MYL9: variants seen among roughly 807,000 people sequenced by gnomAD.
MYL9 encodes myosin light chain 9, also known as myosin regulatory light polypeptide 9.
Under a neutral mutation model 12.8 loss-of-function variants are expected in MYL9, and 7 were observed. The ratio of observed to expected loss-of-function variants is 0.55; its 90% confidence interval spans 0.31 to 1.03. The LOEUF is 1.03. Ranked by LOEUF, MYL9 falls within the 50% of genes least tolerant of loss-of-function variation. The probability of loss-of-function intolerance (pLI) is 0.05; values close to 1 mark genes in which losing one functional copy is unlikely to be tolerated. For synonymous variants in MYL9, 81 were observed against 87.8 expected, an observed-to-expected ratio of 0.92 and a Z score of 0.43; for missense variants, 190 against 242.7, an observed-to-expected ratio of 0.78 and a Z score of 1.44.
chr20:36,549,216 C>T lies in MYL9; in HGVS notation c.486C>T (p.Ile162=). ...GNFNYVEFTR[I]LKHGAKDKDD ...TCAACTACGTGGAGTTCACCCGCAT[C>T]CTCAAACATGGCGCCAAGGATAAAG... The change falls in exon 4 of 4, where the codon ATC becomes ATT. Residue 162 remains isoleucine, a synonymous_variant. Coordinates refer to ENST00000279022, the MANE Select transcript of MYL9 (RefSeq NM_006097.5). 1 of 1,613,930 alleles carries T rather than the reference C, an allele frequency of 6.2e-7. No individual in the cohort carries two copies. Among genetic ancestry groups the T allele is most frequent in the Non-Finnish European group, 8.5e-7 (1 of 1,179,970 alleles).
chr20:36,541,730 G>C (rs1012886729), intron 1 of MYL9, among the ~76,000 whole-genome samples, 169 bp downstream of exon 1: 12 of 152,354 alleles, frequency 7.9e-5, no homozygotes, highest in African/African-American at 2.9e-4. Flanking sequence ...CTGGGGCAGC[G>C]AGTTTGCTGG....
At position 36,550,956 on chromosome 20, in the gene MYL9, G is replaced by C. The variant is rs761633274; in HGVS notation, c.*1707G>C. The C allele has an allele frequency of 6.6e-6, 1 of 152,504 alleles. No individual in the cohort carries two copies. The highest frequency in any genetic ancestry group is 1.5e-5 in the Non-Finnish European group (1 of 68,316). 9.4% of individuals were successfully genotyped at this position (152,504 alleles called of 1,614,324 possible). A position where few individuals can be genotyped will look rare whatever the true frequency, so the allele number is the denominator to read the frequency against. On this transcript the variant is annotated 3_prime_UTR_variant, in exon 4 of 4. Coordinates refer to ENST00000279022, the MANE Select transcript of MYL9 (RefSeq NM_006097.5). ...GCCAGCCCCAAGGGTGTGGGAGGGG[G>C]GTCTCAGAGTGTCCCAGGGTACTGG...
At chr20:36,544,430 C>G (rs896845641) in intron 1 of MYL9, among the ~76,000 whole-genome samples, 25 of 152,176 alleles carry the variant, frequency 1.6e-4, no homozygotes, top group African/African-American at 5.8e-4. Context: ...GTGGACCCAC[C>G]TTGTCACTTG....
At chr20:36,548,230 T>G (rs1039764089) in intron 3 of MYL9, 37 bp downstream of exon 3, 10 of 1,576,036 alleles carry the variant, frequency 6.3e-6, no homozygotes, top group Non-Finnish European at 8.6e-6. Context: ...TGCATGCAAG[T>G]GGAACAGGGC....
At chr20:36,544,157 C>T (rs1649866765) in intron 1 of MYL9, among the ~76,000 whole-genome samples, 1 of 152,126 alleles carries the variant, frequency 6.6e-6, no homozygotes, top group Admixed American at 6.5e-5. Flanking sequence ...CCTCACACCC[C>T]GATAAGCAGT....
chr20:36,549,078 T>C lies in MYL9; in HGVS notation c.348T>C (p.Gly116=), dbSNP rs549372354. The change falls in exon 4 of 4, where the codon GGT becomes GGC. Residue 116 remains glycine (G), a splice_region_variant and synonymous_variant. Transcript: ENST00000279022. ...CACCCACCCTGCCCCTGCCCGCAGG[T>C]TTCATCCATGAGGACCACCTCCGGG... ...AFACFDEEAS[G]FIHEDHLREL... 1.2e-6 allele frequency: 2 copies of C among 1,612,014 alleles called. No homozygotes were observed. Among genetic ancestry groups the C allele is most frequent in the East Asian group, 2.2e-5 (1 of 44,848 alleles).
At chr20:36,541,686 G>A (rs2147893207) in intron 1 of MYL9, 125 bp downstream of exon 1, 1 of 152,712 alleles carries the variant, frequency 6.5e-6, no homozygotes, top group East Asian at 1.9e-4. Context: ...ACTGGGACGT[G>A]GTAGGGTCTG....
At chr20:36,548,221 G>C (rs752367598) in intron 3 of MYL9, 28 bp downstream of exon 3, 119 of 1,582,528 alleles carry the variant, frequency 7.5e-5, no homozygotes, top group Non-Finnish European at 9.7e-5. Flanking sequence ...CCACCACTCT[G>C]CATGCAAGTG....
chr20:36,541,642 C>A, intron 1 of MYL9, 81 bp downstream of exon 1: 1 of 152,702 alleles, frequency 6.5e-6, no homozygotes, highest in Non-Finnish European at 1.5e-5. Context: ...GGGCCCGACC[C>A]GGCTGTCACG....
At position 36,544,953 on chromosome 20, in the gene MYL9, C is replaced by T. The variant is rs199568309; in HGVS notation, c.69C>T (p.Phe23=). Residue 23 remains phenylalanine (F), a synonymous_variant, in exon 2 of 4, where the codon TTC becomes TTT. Transcript: ENST00000279022. ...CACAGCGGGCCACATCCAATGTCTT[C>T]GCAATGTTTGACCAGTCCCAGATCC... The part of the protein sequence containing the change: ...KRPQRATSNV[F]AMFDQSQIQE... The T allele has an allele frequency of 7.4e-6, 12 of 1,613,746 alleles. No homozygotes were observed. The highest frequency in any genetic ancestry group is 2.7e-5 in the African/African-American group (2 of 74,936).
intron 1 of MYL9, among the ~76,000 whole-genome samples, chr20:36,544,161 A>AAG (rs1337301628): frequency 6.6e-6 from 1 of 152,160 alleles, no homozygotes; most frequent in Admixed American, 6.5e-5. Flanking sequence ...ACACCCCGAT[A>AAG]AGCAGTGGGG....
In MYL9 at chr20:36,551,439, G is replaced by A. The variant is rs2038165286; in HGVS notation, c.*2190G>A. Reference sequence around the variant, plus strand: ...CAAAATTAAAAGCCAAATGCATTCTGGGAGGAAATACCTGCAGCATATTTA... The same window carrying A: ...CAAAATTAAAAGCCAAATGCATTCTAGGAGGAAATACCTGCAGCATATTTA... On this transcript the variant is annotated 3_prime_UTR_variant, in exon 4 of 4. Transcript: ENST00000279022. 6.6e-6 allele frequency: 1 copy of A among 152,188 alleles called. No homozygotes were observed. The highest frequency in any genetic ancestry group is 1.5e-5 in the Non-Finnish European group (1 of 68,044). 9.4% of individuals were successfully genotyped at this position (152,188 alleles called of 1,614,324 possible). A position where few individuals can be genotyped will look rare whatever the true frequency, so the allele number is the denominator to read the frequency against.
intron 1 of MYL9, among the ~76,000 whole-genome samples, chr20:36,544,294 G>A (rs1600745021): frequency 1.3e-5 from 2 of 152,228 alleles, no homozygotes; most frequent in Middle Eastern, 3.4e-3. Context: ...AACCTCAGGC[G>A]GGCAGCAGAG....
intron 2 of MYL9, among the ~76,000 whole-genome samples, chr20:36,545,981 C>T (rs1248073699): frequency 6.6e-6 from 1 of 152,188 alleles, no homozygotes; most frequent in Non-Finnish European, 1.5e-5. Context: ...CTGCAGGCTG[C>T]CCACTGCACA....
chr20:36,549,380 G>C lies in MYL9; in HGVS notation c.*131G>C. ...TGAGGGGTTAGGGTCCCAGTTCCCAGTGGAAGAAACAGGCCAGGAGAAGTG... is the reference window on the plus strand; with the variant it reads ...TGAGGGGTTAGGGTCCCAGTTCCCACTGGAAGAAACAGGCCAGGAGAAGTG... On this transcript the variant is annotated 3_prime_UTR_variant, in exon 4 of 4. Coordinates refer to ENST00000279022, the MANE Select transcript of MYL9 (RefSeq NM_006097.5). The C allele has an allele frequency of 1.2e-6, 1 of 822,914 alleles. No homozygotes were observed. The highest frequency in any genetic ancestry group is 1.8e-5 in the South Asian group (1 of 55,836). The allele number at this position is 822,914 out of a possible 1,614,324, so 51.0% of individuals were successfully genotyped here. A position where few individuals can be genotyped will look rare whatever the true frequency, so the allele number is the denominator to read the frequency against.
At chr20:36,545,194 A>C (rs576495514) in intron 2 of MYL9, 126 bp downstream of exon 2, 1 of 1,143,738 alleles carries the variant, frequency 8.7e-7, no homozygotes, top group Admixed American at 2.5e-5. Flanking sequence ...CCATTAACTT[A>C]GTCCATTCAA....
chr20:36,546,599 GAAGTA>G (rs2038103252), intron 2 of MYL9, among the ~76,000 whole-genome samples: 1 of 151,984 alleles, frequency 6.6e-6, no homozygotes, highest in Non-Finnish European at 1.5e-5. Context: ...CACCTGGCAG[GAAGTA>G]AACTCCAGGG....
intron 2 of MYL9, among the ~76,000 whole-genome samples, chr20:36,547,519 T>G (rs1238948319): frequency 6.6e-6 from 1 of 152,204 alleles, no homozygotes; most frequent in African/African-American, 2.4e-5. Context: ...GGTGCACAGC[T>G]GGGATCCAAA....
rs146011376 is a variant in MYL9 at position 36,543,643 on chromosome 20, T to G, written c.-26-1216T>G. Among the ~76,000 whole-genome samples the G allele has an allele frequency of 6.1e-3, 932 of 152,376 alleles. 5 individuals are homozygous for G. The highest frequency in any genetic ancestry group is 9.9e-3 in the Non-Finnish European group (673 of 68,034). ...AGTAGAAGCAGCAGACTGGCCGTAG[T>G]TGCCTTCATATAGTCATTCATCAAA... On this transcript the variant is annotated intron_variant, in intron 1 of 3. Coordinates refer to ENST00000279022, the MANE Select transcript of MYL9 (RefSeq NM_006097.5).
Sources: gnomAD v4.1 joint callset for allele counts (sites outside exome capture counted in the v4.1 genomes callset) on GRCh38, gnomAD v4.1.1 for gene constraint, MANE v1.5 for transcripts, NCBI Gene and HGNC (gene_info 2026-07-23, HGNC 2026-07-21) for gene names.